AUTS2: variants seen among roughly 807,000 people sequenced by gnomAD.
AUTS2 encodes the protein autism susceptibility gene 2 protein.
Under a neutral mutation model 112.4 loss-of-function variants are expected in AUTS2, and 17 were observed. That is an observed-to-expected ratio of 0.15 (90% CI 0.10 to 0.23). The LOEUF (loss-of-function observed/expected upper bound fraction) is 0.23. Ranked by LOEUF, AUTS2 falls within the 10% of genes least tolerant of loss-of-function variation. AUTS2 has a pLI of 1.00. For synonymous variants in AUTS2, 751 were observed against 702.7 expected, an observed-to-expected ratio of 1.07 and a Z score of -1.09; for missense variants, 1,510 against 1,701.6, an observed-to-expected ratio of 0.89 and a Z score of 1.98.
intron 6 of AUTS2, among the ~76,000 whole-genome samples, chr7:70,702,005 T>C (rs1238357232): frequency 6.6e-6 from 1 of 152,266 alleles, no homozygotes; most frequent in East Asian, 1.9e-4. Context: ...ACTTTCAGTC[T>C]ATTCAACATG....
intron 5 of AUTS2, among the ~76,000 whole-genome samples, chr7:70,611,994 TAATA>T (rs1054200085): frequency 6.6e-6 from 1 of 152,184 alleles, no homozygotes; most frequent in African/African-American, 2.4e-5. Context: ...AATATACAAA[TAATA>T]AATTGGAAAC....
At chr7:69,759,961 T>C (rs1788108314) in intron 1 of AUTS2, among the ~76,000 whole-genome samples, 1 of 151,884 alleles carries the variant, frequency 6.6e-6, no homozygotes, top group Admixed American at 6.6e-5. Context: ...TTGCATTTTG[T>C]GTGATTTATT....
At chr7:70,547,287 C>T (rs1039193183) in intron 5 of AUTS2, among the ~76,000 whole-genome samples, 2 of 152,168 alleles carry the variant, frequency 1.3e-5, no homozygotes, top group African/African-American at 2.4e-5. Flanking sequence ...CTGAGTCTTG[C>T]TCAGTCGCCC....
chr7:69,669,803 T>TGA (rs926740777), intron 1 of AUTS2, among the ~76,000 whole-genome samples: 5 of 152,194 alleles, frequency 3.3e-5, no homozygotes, highest in African/African-American at 1.2e-4. Context: ...GACATCTTCA[T>TGA]ACTCGATTGT....
intron 1 of AUTS2, among the ~76,000 whole-genome samples, chr7:69,732,279 G>A (rs759485790): frequency 6.6e-6 from 1 of 152,100 alleles, no homozygotes; most frequent in Non-Finnish European, 1.5e-5. Context: ...TTTGCTGCTT[G>A]CTGTTGTAAA....
chr7:69,965,606 A>G (rs1486498885), intron 2 of AUTS2, among the ~76,000 whole-genome samples: 1 of 152,180 alleles, frequency 6.6e-6, no homozygotes, highest in African/African-American at 2.4e-5. Flanking sequence ...ACGAGAGACT[A>G]TGAGGGAGGA....
chr7:69,605,396 GA>G (rs1232408536), intron 1 of AUTS2, among the ~76,000 whole-genome samples: 2 of 152,164 alleles, frequency 1.3e-5, no homozygotes, highest in African/African-American at 2.4e-5. Context: ...CCTTTTTACT[GA>G]TTGTTACCAA....
chr7:69,629,469 C>T (rs1794123772), intron 1 of AUTS2, among the ~76,000 whole-genome samples: 1 of 152,086 alleles, frequency 6.6e-6, no homozygotes, highest in African/African-American at 2.4e-5. Flanking sequence ...GTGAGAAGTC[C>T]AGCTTCTTAA....
intron 1 of AUTS2, among the ~76,000 whole-genome samples, chr7:69,614,360 C>CTTTCTTTCTTTCTTTCTTTCTT (rs1562759906): frequency 4.7e-5 from 4 of 84,542 alleles, no homozygotes; most frequent in African/African-American, 1.6e-4. Context: ...TTCTTTCTTT[C>CTTTCTTTCTTTCTTTCTTTCTT]TTTCTTTTTT....
intron 2 of AUTS2, among the ~76,000 whole-genome samples, chr7:70,100,037 A>G (rs1804403147): frequency 6.6e-6 from 1 of 152,212 alleles, no homozygotes; most frequent in Admixed American, 6.5e-5. Context: ...TTTAGACTGT[A>G]TTCCAGTTTT....
At position 69,801,791 on chromosome 7, in the gene AUTS2, C is replaced by A. The variant is rs77295587; in HGVS notation, c.310-97495C>A. Among the ~76,000 whole-genome samples the A allele has an allele frequency of 6.6e-3, 1,009 of 152,208 alleles. 3 individuals carry two copies. The highest frequency in any genetic ancestry group is 0.011 in the Non-Finnish European group (765 of 68,018). On this transcript the variant is annotated intron_variant, in intron 1 of 18. Transcript: ENST00000342771. ...AATCTCTCTGACTCAATGGAACATG[C>A]ATTTTAGTGGAAGGGAATGTCAATA...
At chr7:70,552,245 A>G (rs1373570119) in intron 5 of AUTS2, among the ~76,000 whole-genome samples, 1 of 152,228 alleles carries the variant, frequency 6.6e-6, no homozygotes, top group Non-Finnish European at 1.5e-5. Flanking sequence ...GTTGTTAAAG[A>G]GAAAAACTAG....
chr7:70,496,052 C>T (rs1201973863), intron 5 of AUTS2, among the ~76,000 whole-genome samples: 5 of 132,740 alleles, frequency 3.8e-5, no homozygotes, highest in Non-Finnish European at 7.9e-5. Flanking sequence ...GTCACATCAG[C>T]ATCTATCACA....
chr7:70,395,863 T>C (rs1794058408), intron 4 of AUTS2, among the ~76,000 whole-genome samples: 1 of 152,202 alleles, frequency 6.6e-6, no homozygotes, highest in South Asian at 2.1e-4. Context: ...AACATCATGT[T>C]AGGTAATTCC....
chr7:69,760,421 CTTTAA>C (rs1280349876), intron 1 of AUTS2, among the ~76,000 whole-genome samples: 1 of 151,922 alleles, frequency 6.6e-6, no homozygotes, highest in African/African-American at 2.4e-5. Context: ...AGAAGGACTT[CTTTAA>C]TATATTTAAC....
intron 2 of AUTS2, among the ~76,000 whole-genome samples, chr7:70,110,135 G>A (rs771554585): frequency 5.4e-4 from 82 of 152,150 alleles, no homozygotes; most frequent in Non-Finnish European, 1.0e-3. Context: ...TGTCAAAGTC[G>A]GTCAGTTCGC....
intron 5 of AUTS2, among the ~76,000 whole-genome samples, chr7:70,610,064 A>T (rs534620761): frequency 7.9e-5 from 12 of 152,042 alleles, no homozygotes; most frequent in Non-Finnish European, 1.6e-4. Flanking sequence ...CGATCTTGGC[A>T]TCTTGGCTCA....
intron 2 of AUTS2, among the ~76,000 whole-genome samples, chr7:70,096,860 A>G (rs1165805224): frequency 2.0e-5 from 3 of 152,188 alleles, no homozygotes; most frequent in South Asian, 2.1e-4. Flanking sequence ...AAATTAAGGT[A>G]GAAATTAAGT....
chr7:69,678,849 C>G (rs936444720), intron 1 of AUTS2, among the ~76,000 whole-genome samples: 6 of 152,238 alleles, frequency 3.9e-5, no homozygotes, highest in Admixed American at 1.3e-4. Flanking sequence ...TATTATATTT[C>G]AGACAGGGAC....
Sources: allele counts gnomAD v4.1 joint callset (sites outside exome capture counted in the v4.1 genomes callset), GRCh38; gene constraint gnomAD v4.1.1; transcripts MANE v1.5; gene names NCBI Gene and HGNC (gene_info 2026-07-23, HGNC 2026-07-21).